The following KLF12 variants were observed in gnomAD, a reference collection of about 807,000 sequenced individuals.
KLF12 encodes KLF transcription factor 12.
Under a neutral mutation model 37.8 loss-of-function variants are expected in KLF12, and 9 were observed. The ratio of observed to expected loss-of-function variants is 0.24; its 90% CI spans 0.14 to 0.42. The LOEUF is 0.42. Among genes scored for constraint, KLF12 ranks in the 10% least tolerant of loss-of-function variants. The pLI, the probability that KLF12 is intolerant of heterozygous loss-of-function variation, is 1.00. For missense variants in KLF12, 411 were observed against 516.0 expected, an observed-to-expected ratio of 0.80 and a Z score of 1.97; for synonymous variants, 208 against 202.1, an observed-to-expected ratio of 1.03 and a Z score of -0.25.
the KLF12 span, among the ~76,000 whole-genome samples, chr13:74,160,257 T>G: frequency 6.6e-6 from 1 of 152,210 alleles, no homozygotes; most frequent in Non-Finnish European, 1.5e-5. Flanking sequence ...TCCCATGTTC[T>G]GTGTACTGAA....
At chr13:73,746,059 G>A (rs1185922864) in intron 6 of KLF12, among the ~76,000 whole-genome samples, 2 of 122,898 alleles carry the variant, frequency 1.6e-5, no homozygotes, top group Non-Finnish European at 3.3e-5. Context: ...GATCTACAAA[G>A]GAAACCACCA....
the KLF12 span, among the ~76,000 whole-genome samples, chr13:74,274,018 A>G: frequency 2.6e-5 from 4 of 152,158 alleles, no homozygotes; most frequent in Non-Finnish European, 5.9e-5. Context: ...AACTTAAGAC[A>G]CCAAACTCTG....
chr13:73,835,572 G>C (rs1341489247), intron 4 of KLF12, among the ~76,000 whole-genome samples: 2 of 152,110 alleles, frequency 1.3e-5, no homozygotes, highest in Non-Finnish European at 2.9e-5. Flanking sequence ...TACTTTGAAA[G>C]GGAGGTGCAG....
chr13:73,871,848 G>A (rs908465112), intron 3 of KLF12, among the ~76,000 whole-genome samples: 1 of 136,752 alleles, frequency 7.3e-6, no homozygotes, highest in African/African-American at 2.6e-5. Flanking sequence ...AAAGTTATCT[G>A]CCTGCAGATA....
At chr13:73,707,042 G>C (rs886573231) in intron 7 of KLF12, among the ~76,000 whole-genome samples, 2 of 152,216 alleles carry the variant, frequency 1.3e-5, no homozygotes, top group African/African-American at 4.8e-5. Context: ...CTGAAGGGCT[G>C]ATGCTGAACA....
chr13:74,123,120 AAG>A (rs1414691038), intron 1 of KLF12, among the ~76,000 whole-genome samples: 7 of 152,210 alleles, frequency 4.6e-5, no homozygotes, highest in African/African-American at 1.4e-4. Context: ...TGAAAACTTA[AAG>A]AGTCACAGAA....
Position 73,926,485 on chromosome 13 carries a change from T to G in KLF12, c.123+17496A>C, listed in dbSNP as rs1889381612. Among the ~76,000 whole-genome samples the G allele has an allele frequency of 2.0e-5, 3 of 152,096 alleles. No homozygotes were observed. In the South Asian group the frequency reaches 6.2e-4, roughly 32 times the overall value. On this transcript the variant is annotated intron_variant, in intron 3 of 7. Coordinates refer to ENST00000377669, the MANE Select transcript of KLF12 (RefSeq NM_007249.5). The stretch of plus-strand genomic sequence containing the variant: ...GTAGAGCATAAACATAAGTTTAATA[T>G]GTACTAGGAAACAAAAAAAAATTGT...
At position 73,767,669 on chromosome 13, in the gene KLF12, T is replaced by C. The variant is rs114783047; in HGVS notation, c.807-2669A>G. On this transcript the variant is annotated intron_variant, in intron 5 of 7. Transcript: ENST00000377669. ...TGTTCTATTTATATACACTTACTCA[T>C]CTGGAGCAGAGAGCATGTTTATAAT... 5.4e-3 allele frequency among the ~76,000 whole-genome samples: 826 copies of C among 152,290 alleles called. 6 individuals are homozygous for C. The highest frequency in any genetic ancestry group is 0.018 in the African/African-American group (746 of 41,556).
chr13:73,852,029 G>T (rs562552687), intron 3 of KLF12, among the ~76,000 whole-genome samples: 3 of 151,902 alleles, frequency 2.0e-5, no homozygotes, highest in African/African-American at 4.8e-5. Flanking sequence ...GAAGCATCCC[G>T]CAACTCTGGC....
intron 1 of KLF12, among the ~76,000 whole-genome samples, chr13:74,038,276 A>T (rs971873002): frequency 6.6e-6 from 1 of 152,172 alleles, no homozygotes; most frequent in Non-Finnish European, 1.5e-5. Context: ...ATTCAAAATA[A>T]TTTTTTCAAA....
chr13:73,936,172 C>T (rs925203910), intron 3 of KLF12, among the ~76,000 whole-genome samples: 4 of 152,146 alleles, frequency 2.6e-5, no homozygotes, highest in African/African-American at 7.2e-5. Flanking sequence ...TAATTTTGAT[C>T]GGATGCCAGA....
At chr13:73,841,170 G>C (rs1312869023) in intron 4 of KLF12, among the ~76,000 whole-genome samples, 1 of 152,148 alleles carries the variant, frequency 6.6e-6, no homozygotes, top group African/African-American at 2.4e-5. Flanking sequence ...TCCTAGAAAT[G>C]TGGTTGGTAT....
Position 73,840,170 on chromosome 13 carries a change from G to A in KLF12, c.670+5657C>T, listed in dbSNP as rs74095854. Among the ~76,000 whole-genome samples, 162 of 152,222 alleles carry A rather than the reference G, an allele frequency of 1.1e-3. 2 individuals are homozygous for A. Among genetic ancestry groups the A allele is most frequent in the African/African-American group, 3.4e-3 (143 of 41,554 alleles). ...TTTATTTGGTCCCTGAGCAGCATTT[G>A]ATACCATTGACAAGCTGCTCTTGAA... On this transcript the variant is annotated intron_variant, in intron 4 of 7. Transcript: ENST00000377669.
chr13:74,237,872 A>T, the KLF12 span, among the ~76,000 whole-genome samples: 1 of 152,202 alleles, frequency 6.6e-6, no homozygotes, highest in African/African-American at 2.4e-5. Context: ...ATATACAATC[A>T]TGTGGTCTGC....
chr13:73,971,479 C>T (rs1428999135), intron 2 of KLF12, among the ~76,000 whole-genome samples: 2 of 152,030 alleles, frequency 1.3e-5, no homozygotes, highest in Non-Finnish European at 2.9e-5. Flanking sequence ...GGCTATATCA[C>T]TCTTTTCCAG....
the KLF12 span, among the ~76,000 whole-genome samples, chr13:74,216,347 A>T: frequency 6.6e-6 from 1 of 152,284 alleles, no homozygotes; most frequent in Admixed American, 6.5e-5. Flanking sequence ...TTAAATATTC[A>T]AGTGTTTCAT....
At chr13:73,979,705 G>A (rs926025437) in intron 2 of KLF12, among the ~76,000 whole-genome samples, 16 of 152,124 alleles carry the variant, frequency 1.1e-4, no homozygotes, top group African/African-American at 2.9e-4. Flanking sequence ...CAGATACAGC[G>A]AGGTTAAACA....
intron 3 of KLF12, among the ~76,000 whole-genome samples, chr13:73,929,006 T>C (rs1236671712): frequency 6.6e-6 from 1 of 152,230 alleles, no homozygotes; most frequent in African/African-American, 2.4e-5. Context: ...GTCAGATTCT[T>C]GCCTACCTTC....
intron 1 of KLF12, among the ~76,000 whole-genome samples, chr13:74,114,113 C>A (rs1328448902): frequency 6.6e-6 from 1 of 152,150 alleles, no homozygotes; most frequent in African/African-American, 2.4e-5. Flanking sequence ...TTCTTACAAA[C>A]AAAGTAAGTG....
Sources: gnomAD v4.1 joint callset for allele counts (sites outside exome capture counted in the v4.1 genomes callset) on GRCh38, gnomAD v4.1.1 for gene constraint, MANE v1.5 for transcripts, NCBI Gene and HGNC (gene_info 2026-07-23, HGNC 2026-07-21) for gene names.